Variants in EYA1 observed in about 807,000 individuals in gnomAD.
EYA1 encodes the protein protein phosphatase EYA1.
EYA1 carries 16 observed loss-of-function variants against 82.0 expected under a neutral mutation model. The ratio of observed to expected loss-of-function variants is 0.20; its 90% CI spans 0.13 to 0.30. The LOEUF (loss-of-function observed/expected upper bound fraction) is 0.30, where lower values mean the gene tolerates loss of function less well. Ranked by LOEUF, EYA1 falls within the 10% of genes least tolerant of loss-of-function variation. The pLI is 1.00. For missense variants in EYA1, 633 were observed against 730.7 expected, an observed-to-expected ratio of 0.87 and a Z score of 1.54; for synonymous variants, 261 against 264.4, an observed-to-expected ratio of 0.99 and a Z score of 0.12.
chr8:71,283,903 C>T (rs139231945), intron 9 of EYA1, among the ~76,000 whole-genome samples: 1 of 152,220 alleles, frequency 6.6e-6, no homozygotes, highest in East Asian at 1.9e-4. Flanking sequence ...GTATTACTGT[C>T]CCCAGTTAAC....
At chr8:71,326,083 A>T (rs1252989800) in intron 4 of EYA1, among the ~76,000 whole-genome samples, 3 of 152,296 alleles carry the variant, frequency 2.0e-5, no homozygotes, top group Non-Finnish European at 4.4e-5. Flanking sequence ...GACAACCAAT[A>T]TCTCTTCATC....
chr8:71,530,027 T>C (rs953525522), intron 2 of EYA1: 1 of 152,140 alleles, frequency 6.6e-6, no homozygotes, highest in Non-Finnish European at 1.5e-5. Context: ...ATTGTATCTC[T>C]CCAGAAACAA....
chr8:71,256,041 AC>A (rs1471102918), intron 11 of EYA1, among the ~76,000 whole-genome samples: 1 of 151,730 alleles, frequency 6.6e-6, no homozygotes, highest in Admixed American at 6.5e-5. Flanking sequence ...CTATCAGAAA[AC>A]AAAAAACAGA....
At chr8:71,471,820 G>A (rs1475563019) in intron 2 of EYA1, among the ~76,000 whole-genome samples, 2 of 151,958 alleles carry the variant, frequency 1.3e-5, no homozygotes, top group African/African-American at 4.8e-5. Flanking sequence ...GCATACTTGC[G>A]GTTATCAAAC....
chr8:71,457,689 C>G (rs974551426), intron 2 of EYA1, among the ~76,000 whole-genome samples: 1 of 152,138 alleles, frequency 6.6e-6, no homozygotes, highest in Non-Finnish European at 1.5e-5. Context: ...CATGTTCTCA[C>G]TCATAGGTGG....
At chr8:71,292,903 A>G (rs1329476479) in intron 9 of EYA1, among the ~76,000 whole-genome samples, 2 of 152,072 alleles carry the variant, frequency 1.3e-5, no homozygotes, top group Non-Finnish European at 2.9e-5. Flanking sequence ...AAAGAAAAGC[A>G]AGTTAACTCA....
At chr8:71,487,945 A>T (rs59921208) in intron 2 of EYA1, among the ~76,000 whole-genome samples, 1 of 151,998 alleles carries the variant, frequency 6.6e-6, no homozygotes, top group Non-Finnish European at 1.5e-5. Context: ...TAGGAGCAGC[A>T]GTTCAATTCC....
intron 4 of EYA1, 140 bp from the exon 5 acceptor site, chr8:71,322,408 G>A: frequency 1.4e-6 from 1 of 721,202 alleles, no homozygotes; most frequent in Non-Finnish European, 2.5e-6. Context: ...TGCGGAGATG[G>A]AAATTTCATA....
At position 71,271,852 on chromosome 8, in the gene EYA1, T is replaced by C. The variant is rs1405459798; in HGVS notation, c.872A>G (p.Asp291Gly). ...HSPSTPIKDS[D>G]SDRLRRGSDG... ...TGAACCTCGACGCAATCGATCAGAA[T>C]CTGAATCTTTAATGGGTGTTGATGG... Residue 291 changes from aspartate to glycine, a missense_variant, in exon 10 of 18, where the codon GAT becomes GGT. Asp to Gly is a moderately conservative substitution (Grantham distance 94). Coordinates refer to ENST00000340726, the MANE Select transcript of EYA1 (RefSeq NM_000503.6). The C allele has an allele frequency of 1.2e-6, 2 of 1,614,072 alleles. No homozygotes were observed.
intron 3 of EYA1, 99 bp downstream of exon 3, chr8:71,354,683 T>C (rs1826671842): frequency 1.6e-6 from 2 of 1,215,112 alleles, no homozygotes; most frequent in Non-Finnish European, 1.2e-6. Context: ...AAGAGTAGTT[T>C]TATGATTTTG....
chr8:71,310,804 ACATT>A (rs200462111), intron 7 of EYA1, among the ~76,000 whole-genome samples: 3,509 of 152,188 alleles, frequency 0.023, 54 homozygotes, highest in Middle Eastern at 0.11. Context: ...TTAATTTCTA[ACATT>A]CATTGTGACA....
intron 2 of EYA1, among the ~76,000 whole-genome samples, chr8:71,378,061 C>T (rs1302618885): frequency 6.6e-6 from 1 of 152,120 alleles, no homozygotes; most frequent in Admixed American, 6.5e-5. Flanking sequence ...ATCTCATTCC[C>T]ATACATGCTT....
rs1806477577 is a variant in EYA1, at chr8:71,198,135, T to C, written c.*1205A>G. 1 of 152,564 alleles carries C rather than the reference T, an allele frequency of 6.6e-6. No individual in the cohort carries two copies. Among genetic ancestry groups the C allele is most frequent in the African/African-American group, 2.4e-5 (1 of 41,442 alleles). 9.5% of individuals were successfully genotyped at this position (152,564 alleles called of 1,614,324 possible). A position where few individuals can be genotyped will look rare whatever the true frequency, so the allele number is the denominator to read the frequency against. On this transcript the variant is annotated 3_prime_UTR_variant, in exon 18 of 18. Coordinates refer to ENST00000340726, the MANE Select transcript of EYA1 (RefSeq NM_000503.6). ...ACGATAATTAATAATTCTGAGCACA[T>C]GAAAACTTTGTTAGTCTCCGATTCA...
chr8:71,217,972 A>G (rs975296434), intron 12 of EYA1, among the ~76,000 whole-genome samples: 1 of 152,290 alleles, frequency 6.6e-6, no homozygotes, highest in East Asian at 1.9e-4. Flanking sequence ...CATTTGTTGA[A>G]TGAATGAAGG....
chr8:71,442,377 G>A (rs1806495335), intron 2 of EYA1, among the ~76,000 whole-genome samples: 1 of 152,090 alleles, frequency 6.6e-6, no homozygotes, highest in African/African-American at 2.4e-5. Context: ...CCTAGATAAT[G>A]GAATCTTATT....
At chr8:71,368,724 A>G (rs1827904437) in intron 2 of EYA1, among the ~76,000 whole-genome samples, 1 of 152,150 alleles carries the variant, frequency 6.6e-6, no homozygotes, top group Admixed American at 6.5e-5. Flanking sequence ...ACAAATACGG[A>G]TGACCTAACT....
At chr8:71,254,076 T>C (rs1388879855) in intron 11 of EYA1, among the ~76,000 whole-genome samples, 1 of 150,644 alleles carries the variant, frequency 6.6e-6, no homozygotes, top group Non-Finnish European at 1.5e-5. Context: ...AACTCTTGAG[T>C]TTTCTTCTTC....
intron 4 of EYA1, among the ~76,000 whole-genome samples, chr8:71,327,726 G>A (rs958511950): frequency 3.3e-5 from 5 of 152,088 alleles, no homozygotes; most frequent in African/African-American, 1.2e-4. Flanking sequence ...GCTTGCAGGT[G>A]CTAGGGCTCC....
intron 2 of EYA1, among the ~76,000 whole-genome samples, chr8:71,497,279 C>T (rs12114089): frequency 0.14 from 21,030 of 152,200 alleles, 1,658 homozygotes; most frequent in Non-Finnish European, 0.17. Context: ...TGTTGGGCCG[C>T]ATTCAAAGCC....
Sources: gnomAD v4.1 joint callset for allele counts (sites outside exome capture counted in the v4.1 genomes callset) on GRCh38, gnomAD v4.1.1 for gene constraint, MANE v1.5 for transcripts, NCBI Gene and HGNC (gene_info 2026-07-23, HGNC 2026-07-21) for gene names.